The following SLC25A40 variants were observed in gnomAD, a reference collection of about 807,000 sequenced individuals.
SLC25A40 encodes solute carrier family 25 member 40, also known as mitochondrial glutathione transporter SLC25A40.
In SLC25A40, 41 loss-of-function variants were observed where a neutral mutation model predicts 46.5. That is an observed-to-expected ratio of 0.88 (90% confidence interval 0.69 to 1.14). SLC25A40 has a LOEUF of 1.14. SLC25A40 is among the 50% of genes most tolerant of loss of function. The probability of loss-of-function intolerance (pLI) is 0.00; values close to 1 mark genes in which losing one functional copy is unlikely to be tolerated. For missense variants in SLC25A40, 386 were observed against 393.6 expected (o/e 0.98, Z 0.16); for synonymous variants, 126 against 127.5 (o/e 0.99, Z 0.08).
chr7:87,844,599 T>C (rs1415929804), intron 8 of SLC25A40, among the ~76,000 whole-genome samples: 2 of 151,940 alleles, frequency 1.3e-5, no homozygotes, highest in African/African-American at 2.4e-5. Flanking sequence ...AATGATGATA[T>C]AAAACAGTTC....
At position 87,833,884 on chromosome 7, in the gene SLC25A40, C is replaced by G. The variant is rs1174352740; in HGVS notation, c.*2365G>C. The G allele has an allele frequency of 6.6e-6, 1 of 151,542 alleles. No homozygotes were observed. Among genetic ancestry groups the G allele is most frequent in the Non-Finnish European group, 1.5e-5 (1 of 67,808 alleles). The allele number at this position is 151,542 out of a possible 1,614,324, so 9.4% of individuals were successfully genotyped here. ...TTCCAAGAGGGAAAAATTTAAAAAA[C>G]ATATGCAGTTAAATAACCATAATGA... On this transcript the variant is annotated 3_prime_UTR_variant, in exon 12 of 12. Transcript: ENST00000341119.
intron 1 of SLC25A40, among the ~76,000 whole-genome samples, chr7:87,870,311 T>C (rs1446827452): frequency 6.6e-6 from 1 of 152,030 alleles, no homozygotes; most frequent in Non-Finnish European, 1.5e-5. Context: ...AATTTGCCTA[T>C]TTTTTCTGTT....
intron 5 of SLC25A40, among the ~76,000 whole-genome samples, chr7:87,853,103 A>C (rs1323234245): frequency 1.3e-5 from 2 of 152,250 alleles, no homozygotes; most frequent in African/African-American, 4.8e-5. Flanking sequence ...ACAAAATACT[A>C]GTATCTAGAA....
At chr7:87,866,529 G>A (rs1838801394) in intron 1 of SLC25A40, among the ~76,000 whole-genome samples, 2 of 152,128 alleles carry the variant, frequency 1.3e-5, no homozygotes, top group African/African-American at 4.8e-5. Context: ...ACAGTTTCTG[G>A]GGTGCCAGTT....
chr7:87,856,221 A>C, intron 4 of SLC25A40, 71 bp downstream of exon 4: 1 of 1,288,602 alleles, frequency 7.8e-7, no homozygotes, highest in Non-Finnish European at 1.1e-6. Flanking sequence ...AATGAATGTT[A>C]GGCAAAAAAA....
At chr7:87,845,773 C>T (rs1838407412) in intron 8 of SLC25A40, among the ~76,000 whole-genome samples, 1 of 151,920 alleles carries the variant, frequency 6.6e-6, no homozygotes, top group African/African-American at 2.4e-5. Flanking sequence ...TTATTAATAA[C>T]CAGGGAAATG....
rs1011192103 is a variant in SLC25A40, at chr7:87,870,841, T to C, written c.-94+5255A>G. Among the ~76,000 whole-genome samples the C allele has an allele frequency of 2.0e-5, 3 of 152,110 alleles. No homozygotes were observed. The South Asian group carries it at 6.2e-4, about 32-fold the overall frequency. ...GCAATAAAACTCCCTGCATTTACCA[T>C]ATTGAAGTTGTTCGTGTGACCTCAT... On this transcript the variant is annotated intron_variant, in intron 1 of 11. Transcript: ENST00000341119.
chr7:87,853,698 A>G (rs1838555322), intron 5 of SLC25A40, among the ~76,000 whole-genome samples: 1 of 152,232 alleles, frequency 6.6e-6, no homozygotes, highest in African/African-American at 2.4e-5. Flanking sequence ...TATATATGTC[A>G]TGATTCCATT....
At chr7:87,849,587 G>A (rs1340774525) in intron 6 of SLC25A40, among the ~76,000 whole-genome samples, 2 of 152,318 alleles carry the variant, frequency 1.3e-5, no homozygotes, top group East Asian at 1.9e-4. Flanking sequence ...TGCCATAAGG[G>A]AGGACTTTGG....
At position 87,862,553 on chromosome 7, in the gene SLC25A40, A is replaced by G. The variant is rs549185483; in HGVS notation, c.-93-1913T>C. Among the ~76,000 whole-genome samples, 2 of 152,354 alleles carry G rather than the reference A, an allele frequency of 1.3e-5. 1 individual carries two copies. The highest frequency in any genetic ancestry group is 4.8e-5 in the African/African-American group (2 of 41,584). ...GAATCTTTAGTAAAAGGATTAAAGTAACTTACATTTAAGCCAGAAGACAGA... is the reference window on the plus strand; with the variant it reads ...GAATCTTTAGTAAAAGGATTAAAGTGACTTACATTTAAGCCAGAAGACAGA... On this transcript the variant is annotated intron_variant, in intron 1 of 11. Coordinates refer to ENST00000341119, the MANE Select transcript of SLC25A40 (RefSeq NM_018843.4).
rs191186011 is a variant in SLC25A40, at chr7:87,870,565, T to C, written c.-94+5531A>G. Among the ~76,000 whole-genome samples, 14 of 152,196 alleles carry C rather than the reference T, an allele frequency of 9.2e-5. No individual in the cohort carries two copies. In the South Asian group the frequency reaches 1.7e-3, roughly 18 times the overall value. On this transcript the variant is annotated intron_variant, in intron 1 of 11. Transcript: ENST00000341119. ...AGATCCCTGTTTTCCCACTTGAATG[T>C]TGCCTTTTCCAAAACTACCTATGAC...
intron 5 of SLC25A40, 42 bp downstream of exon 5, chr7:87,854,162 A>G: frequency 3.9e-6 from 5 of 1,295,966 alleles, no homozygotes; most frequent in Non-Finnish European, 5.6e-6. Context: ...ATAAGATTAA[A>G]TAGAAAATAT....
intron 6 of SLC25A40, among the ~76,000 whole-genome samples, chr7:87,848,714 TCAAACA>T (rs1838459472): frequency 6.6e-6 from 1 of 152,224 alleles, no homozygotes; most frequent in African/African-American, 2.4e-5. Context: ...ATTATTAAAT[TCAAACA>T]CAAAGTTGCA....
In SLC25A40 at chr7:87,854,462, G is replaced by A. The variant is rs1361374643; in HGVS notation, c.158-152C>T. ...ATAAATAAACATCTCTACTTTTTAG[G>A]ATGAAACAGACAAAATTAATTTGAT... On this transcript the variant is annotated intron_variant, in intron 4 of 11. Transcript: ENST00000341119. 1.0e-5 allele frequency: 6 copies of A among 586,798 alleles called. No individual in the cohort carries two copies. In the Admixed American group the frequency reaches 1.9e-4, roughly 19 times the overall value. 36.3% of individuals were successfully genotyped at this position (586,798 alleles called of 1,614,324 possible). A position where few individuals can be genotyped will look rare whatever the true frequency, so the allele number is the denominator to read the frequency against.
At chr7:87,869,490 T>C (rs1584340089) in intron 1 of SLC25A40, among the ~76,000 whole-genome samples, 1 of 152,038 alleles carries the variant, frequency 6.6e-6, no homozygotes, top group African/African-American at 2.4e-5. Context: ...TATCATGCTA[T>C]TGCATGCCAG....
rs1260454945 is a variant in SLC25A40 at position 87,854,221 on chromosome 7, T to C, written c.247A>G (p.Asn83Asp). Residue 83 changes from asparagine (N) to aspartate (D), a missense_variant, in exon 5 of 12, where the codon AAT becomes GAT. Transcript: ENST00000341119. ...GNKLWYKKPG[N>D]FQGTLDAFFK... ...CACCTTACCAATGTTCCCTGGAAAT[T>C]TCCTGGCTTCTTATACCATAGTTTG... is the stretch of plus-strand genomic sequence containing the variant. 8 of 1,610,948 alleles carry C rather than the reference T, an allele frequency of 5.0e-6. No individual in the cohort carries two copies. In the Admixed American group the frequency reaches 6.7e-5, roughly 13 times the overall value.
intron 8 of SLC25A40, 134 bp downstream of exon 8, chr7:87,846,815 T>G (rs1485420208): frequency 1.7e-6 from 1 of 582,214 alleles, no homozygotes; most frequent in African/African-American, 1.9e-5. Flanking sequence ...AGCCCAACAA[T>G]GAAAAAGGAG....
intron 2 of SLC25A40, among the ~76,000 whole-genome samples, 169 bp downstream of exon 2, chr7:87,860,403 A>T (rs1296223841): frequency 1.3e-5 from 2 of 152,200 alleles, no homozygotes; most frequent in Non-Finnish European, 2.9e-5. Context: ...CCATAAATAC[A>T]TCAGAATATT....
At chr7:87,868,735 A>C (rs1291611131) in intron 1 of SLC25A40, among the ~76,000 whole-genome samples, 1 of 152,176 alleles carries the variant, frequency 6.6e-6, no homozygotes. Flanking sequence ...CAGGAACCTC[A>C]ACATATTCAG....
Sources: allele counts gnomAD v4.1 joint callset (sites outside exome capture counted in the v4.1 genomes callset), GRCh38; gene constraint gnomAD v4.1.1; transcripts MANE v1.5; gene names NCBI Gene and HGNC (gene_info 2026-07-23, HGNC 2026-07-21).